DERA: variants seen among roughly 807,000 people sequenced by gnomAD.
DERA encodes the protein deoxyribose-phosphate aldolase, also known as 2-deoxy-D-ribose 5-phosphate aldolase.
DERA carries 15 observed loss-of-function variants against 41.1 expected under a neutral mutation model. The observed-to-expected ratio is 0.37, with a 90% CI of 0.24 to 0.56. The LOEUF (loss-of-function observed/expected upper bound fraction) is 0.56, where lower values mean the gene tolerates loss of function less well. Ranked by LOEUF, DERA falls within the 20% of genes least tolerant of loss-of-function variation. The pLI is 0.81. For synonymous variants in DERA, 139 were observed against 137.4 expected, an observed-to-expected ratio of 1.01 and a Z score of -0.08; for missense variants, 396 against 403.4, an observed-to-expected ratio of 0.98 and a Z score of 0.16.
At chr12:15,973,881 C>G (rs1948680584) in intron 5 of DERA, among the ~76,000 whole-genome samples, 1 of 151,986 alleles carries the variant, frequency 6.6e-6, no homozygotes, top group Non-Finnish European at 1.5e-5. Context: ...AGAAAAATAT[C>G]TGGATGCTAA....
chr12:15,997,707 A>G (rs1426921014), intron 6 of DERA, among the ~76,000 whole-genome samples: 3 of 152,200 alleles, frequency 2.0e-5, no homozygotes, highest in African/African-American at 4.8e-5. Context: ...CATTGATTGT[A>G]TATGTAACGT....
In DERA at chr12:15,990,643, C is replaced by T. The variant is rs181430323; in HGVS notation, c.637+8207C>T. 6.6e-6 allele frequency among the ~76,000 whole-genome samples: 1 copy of T among 152,204 alleles called. No individual in the cohort carries two copies. The highest frequency in any genetic ancestry group is 1.5e-5 in the Non-Finnish European group (1 of 67,994). Reference sequence around the variant, plus strand: ...AAAGACCCCAGTGTCTGTTATTCTCCTTGATGTGTCTATGTGTTGTCATCA... The same window carrying T: ...AAAGACCCCAGTGTCTGTTATTCTCTTTGATGTGTCTATGTGTTGTCATCA... On this transcript the variant is annotated intron_variant, in intron 6 of 8. Coordinates refer to ENST00000428559, the MANE Select transcript of DERA (RefSeq NM_015954.4). The surrounding 1 kb of genome is among the most constrained non-coding windows in gnomAD (Gnocchi z 4.3).
In DERA at chr12:15,913,454, A is replaced by T. The variant is rs796734085; in HGVS notation, c.31+2040A>T. Among the ~76,000 whole-genome samples the T allele has an allele frequency of 5.3e-5, 8 of 152,352 alleles. 1 individual carries two copies. The highest frequency in any genetic ancestry group is 1.9e-4 in the African/African-American group (8 of 41,588). On this transcript the variant is annotated intron_variant, in intron 1 of 8. Transcript: ENST00000428559. This position sits in a 1 kb window ranked among gnomAD's most constrained non-coding sequence, Gnocchi z 4.5. ...GCAGTATATTAACTGATGATTTTTA[A>T]AATAGTTTTCTAATTGAAAGTCTTT...
chr12:15,978,342 A>T (rs1037052481), intron 5 of DERA, among the ~76,000 whole-genome samples: 6 of 152,172 alleles, frequency 3.9e-5, no homozygotes, highest in African/African-American at 1.4e-4. Context: ...TTTCATAAGT[A>T]TTAGGACAGT....
chr12:16,023,687 C>T lies in DERA; in HGVS notation c.638-8855C>T, dbSNP rs1394070535. ...AGAGACGGGGTTTCACCGTTTTAGC[C>T]GGGATGGTCTCGATCTCCTGACCTC... On this transcript the variant is annotated intron_variant, in intron 6 of 8. Coordinates refer to ENST00000428559, the MANE Select transcript of DERA (RefSeq NM_015954.4). Among the ~76,000 whole-genome samples the T allele has an allele frequency of 2.6e-5, 4 of 151,798 alleles. No homozygotes were observed. In the South Asian group the frequency reaches 8.3e-4, roughly 32 times the overall value.
intron 1 of DERA, among the ~76,000 whole-genome samples, chr12:15,944,439 T>G (rs1274959771): frequency 1.3e-5 from 2 of 152,214 alleles, no homozygotes; most frequent in African/African-American, 4.8e-5. Flanking sequence ...TGTGAGATGG[T>G]ATCTCATTGT....
intron 4 of DERA, among the ~76,000 whole-genome samples, chr12:15,961,647 A>T (rs1007320073): frequency 1.3e-5 from 2 of 152,256 alleles, no homozygotes; most frequent in African/African-American, 4.8e-5. Flanking sequence ...CTACACTTGT[A>T]TAGACCTTAA....
rs977853162 is a variant in DERA at position 15,989,823 on chromosome 12, A to G, written c.637+7387A>G. On this transcript the variant is annotated intron_variant, in intron 6 of 8. Coordinates refer to ENST00000428559, the MANE Select transcript of DERA (RefSeq NM_015954.4). This position sits in a 1 kb window ranked among gnomAD's most constrained non-coding sequence, Gnocchi z 5.2. ...TTAGTCTGGTCTTACACATCATTGT[A>G]AGTAAAATTGTGTTAAACAACTTTG... Among the ~76,000 whole-genome samples the G allele has an allele frequency of 1.3e-5, 2 of 152,220 alleles. No homozygotes were observed. The highest frequency in any genetic ancestry group is 2.9e-5 in the Non-Finnish European group (2 of 68,040).
chr12:15,976,893 C>A lies in DERA; in HGVS notation c.509-5415C>A, dbSNP rs1021504654. On this transcript the variant is annotated intron_variant, in intron 5 of 8. Coordinates refer to ENST00000428559, the MANE Select transcript of DERA (RefSeq NM_015954.4). The surrounding 1 kb of genome is among the most constrained non-coding windows in gnomAD (Gnocchi z 4.1). ...AAGCAAGGGCTGAGAAGTCCTGATT[C>A]AAATATATGAACTCTACTGTAGCAC... 6.6e-6 allele frequency among the ~76,000 whole-genome samples: 1 copy of A among 152,108 alleles called. No individual in the cohort carries two copies. Among genetic ancestry groups the A allele is most frequent in the Non-Finnish European group, 1.5e-5 (1 of 68,020 alleles).
rs1948667451 is a variant in DERA at position 15,972,393 on chromosome 12, C to T, written c.508+9446C>T. The stretch of plus-strand genomic sequence containing the variant: ...GGGGTGAACTGATCACCCCACAGTT[C>T]ACCCTTTAGAGACACTGCACACATC... On this transcript the variant is annotated intron_variant, in intron 5 of 8. Coordinates refer to ENST00000428559, the MANE Select transcript of DERA (RefSeq NM_015954.4). This position sits in a 1 kb window ranked among gnomAD's most constrained non-coding sequence, Gnocchi z 4.4. 6.5e-6 allele frequency: 1 copy of T among 153,142 alleles called. No individual in the cohort carries two copies. Among genetic ancestry groups the T allele is most frequent in the South Asian group, 2.0e-4 (1 of 5,064 alleles). The allele number at this position is 153,142 out of a possible 1,614,324, so 9.5% of individuals were successfully genotyped here. A position where few individuals can be genotyped will look rare whatever the true frequency, so the allele number is the denominator to read the frequency against.
intron 7 of DERA, chr12:16,032,929 G>A (rs1373783930): frequency 3.0e-6 from 1 of 331,716 alleles, no homozygotes. Context: ...TTTTGTCACT[G>A]ACAAGAGATT....
chr12:15,948,974 T>C (rs938782978), intron 1 of DERA, among the ~76,000 whole-genome samples: 1 of 152,198 alleles, frequency 6.6e-6, no homozygotes, highest in African/African-American at 2.4e-5. Flanking sequence ...CTCCAGACCC[T>C]GTTTGCCTTG....
Position 16,019,710 on chromosome 12 carries a change from C to G in DERA, c.638-12832C>G, listed in dbSNP as rs1949006140. Among the ~76,000 whole-genome samples, 1 of 152,124 alleles carries G rather than the reference C, an allele frequency of 6.6e-6. No individual in the cohort carries two copies. The highest frequency in any genetic ancestry group is 6.5e-5 in the Admixed American group (1 of 15,286). On this transcript the variant is annotated intron_variant, in intron 6 of 8. Transcript: ENST00000428559. The surrounding 1 kb of genome is among the most constrained non-coding windows in gnomAD (Gnocchi z 4.4). ...CTTGAAGGTCTGTAACACATTCCAT[C>G]TGTTCCATGAAGCCTTCCCGTATTA...
At position 16,010,791 on chromosome 12, in the gene DERA, C is replaced by T. The variant is rs1288645164; in HGVS notation, c.638-21751C>T. 6.6e-6 allele frequency among the ~76,000 whole-genome samples: 1 copy of T among 151,956 alleles called. No individual in the cohort carries two copies. Among genetic ancestry groups the T allele is most frequent in the Non-Finnish European group, 1.5e-5 (1 of 68,020 alleles). ...TGGGAAGCACATACGTCTCCAGGTA[C>T]AGTGAAATAATCACTTGGAGATAAG... On this transcript the variant is annotated intron_variant, in intron 6 of 8. Coordinates refer to ENST00000428559, the MANE Select transcript of DERA (RefSeq NM_015954.4). The surrounding 1 kb of genome is among the most constrained non-coding windows in gnomAD (Gnocchi z 5.5).
At position 15,992,824 on chromosome 12, in the gene DERA, C is replaced by T. The variant is rs554618950; in HGVS notation, c.637+10388C>T. On this transcript the variant is annotated intron_variant, in intron 6 of 8. Coordinates refer to ENST00000428559, the MANE Select transcript of DERA (RefSeq NM_015954.4). The surrounding 1 kb of genome is among the most constrained non-coding windows in gnomAD (Gnocchi z 4.3). Reference sequence around the variant, plus strand: ...TCAGTAGCGGTGGACTGTTCGCACACACTCAACAGTTAACAAGCTCCGCTC... The same window carrying T: ...TCAGTAGCGGTGGACTGTTCGCACATACTCAACAGTTAACAAGCTCCGCTC... Among the ~76,000 whole-genome samples, 1 of 152,286 alleles carries T rather than the reference C, an allele frequency of 6.6e-6. No individual in the cohort carries two copies. Among genetic ancestry groups the T allele is most frequent in the South Asian group, 2.1e-4 (1 of 4,832 alleles).
At position 15,999,154 on chromosome 12, in the gene DERA, A is replaced by G. The variant is rs192867644; in HGVS notation, c.637+16718A>G. On this transcript the variant is annotated intron_variant, in intron 6 of 8. Coordinates refer to ENST00000428559, the MANE Select transcript of DERA (RefSeq NM_015954.4). The surrounding 1 kb of genome is among the most constrained non-coding windows in gnomAD (Gnocchi z 5.3). ...CACTGTGGGAGCGAGGAGGAGGCCA[A>G]TCAAGAACAGAAGGGCCAGGGTTCT... Among the ~76,000 whole-genome samples the G allele has an allele frequency of 8.6e-4, 131 of 152,270 alleles. 1 individual carries two copies. Among genetic ancestry groups the G allele is most frequent in the Middle Eastern group, 6.8e-3 (2 of 294 alleles).
In DERA at chr12:16,010,646, T is replaced by C. The variant is rs973917155; in HGVS notation, c.638-21896T>C. Reference sequence around the variant, plus strand: ...ACAGAAGGAGAGAGGCTGCATTGTCTCTATAAGTGGTTAGTAAGTGGAGAC... The same window carrying C: ...ACAGAAGGAGAGAGGCTGCATTGTCCCTATAAGTGGTTAGTAAGTGGAGAC... On this transcript the variant is annotated intron_variant, in intron 6 of 8. Coordinates refer to ENST00000428559, the MANE Select transcript of DERA (RefSeq NM_015954.4). The surrounding 1 kb of genome is among the most constrained non-coding windows in gnomAD (Gnocchi z 5.5). 2.6e-5 allele frequency among the ~76,000 whole-genome samples: 4 copies of C among 152,112 alleles called. No homozygotes were observed. Among genetic ancestry groups the C allele is most frequent in the African/African-American group, 9.7e-5 (4 of 41,432 alleles).
intron 1 of DERA, among the ~76,000 whole-genome samples, chr12:15,946,833 G>T (rs1342657934): frequency 6.6e-6 from 1 of 152,112 alleles, no homozygotes; most frequent in Non-Finnish European, 1.5e-5. Context: ...GTCAATTTTA[G>T]ATCTTTCCTG....
At chr12:15,962,279 C>T (rs868460216) in intron 4 of DERA, among the ~76,000 whole-genome samples, 1 of 152,114 alleles carries the variant, frequency 6.6e-6, no homozygotes, top group South Asian at 2.1e-4. Flanking sequence ...TGCTCATCTG[C>T]CAGGCTGGTT....
Sources: gnomAD v4.1 joint callset for allele counts (sites outside exome capture counted in the v4.1 genomes callset) on GRCh38, gnomAD v4.1.1 for gene constraint, Gnocchi (gnomAD v3.1) non-coding constraint, MANE v1.5 for transcripts, NCBI Gene and HGNC (gene_info 2026-07-23, HGNC 2026-07-21) for gene names.